SAMD4A: variants seen among roughly 807,000 people sequenced by gnomAD.
SAMD4A encodes sterile alpha motif domain containing 4A.
SAMD4A carries 33 observed loss-of-function variants against 81.3 expected under a neutral mutation model. That is an observed-to-expected ratio of 0.41 (90% CI 0.31 to 0.54). The LOEUF (loss-of-function observed/expected upper bound fraction) is 0.54. Ranked by LOEUF, SAMD4A falls within the 20% of genes least tolerant of loss-of-function variation. SAMD4A has a pLI of 0.37. For synonymous variants in SAMD4A, 389 were observed against 382.1 expected (o/e 1.02, Z -0.21); for missense variants, 854 against 951.1 (o/e 0.90, Z 1.34).
intron 2 of SAMD4A, among the ~76,000 whole-genome samples, chr14:54,574,150 A>G (rs905607145): frequency 6.6e-6 from 1 of 152,250 alleles, no homozygotes; most frequent in Non-Finnish European, 1.5e-5. Context: ...GGCCCTGTCA[A>G]AAGCTGAAAT....
intron 11 of SAMD4A, among the ~76,000 whole-genome samples, chr14:54,780,896 C>T (rs1372318675): frequency 6.6e-6 from 1 of 152,100 alleles, no homozygotes; most frequent in Non-Finnish European, 1.5e-5. Flanking sequence ...CTGCCATCCT[C>T]AGCTTGCCTG....
chr14:54,719,808 AG>A (rs1157153045), intron 3 of SAMD4A, among the ~76,000 whole-genome samples: 1 of 152,154 alleles, frequency 6.6e-6, no homozygotes, highest in Non-Finnish European at 1.5e-5. Flanking sequence ...CGGTTGTGAA[AG>A]TCCTCTCTGG....
chr14:54,696,491 C>T (rs1414756982), intron 2 of SAMD4A, among the ~76,000 whole-genome samples: 1 of 152,232 alleles, frequency 6.6e-6, no homozygotes, highest in Non-Finnish European at 1.5e-5. Flanking sequence ...CCATTTCTTG[C>T]ATGAGCAAAT....
At chr14:54,683,614 C>T (rs1423637347) in intron 2 of SAMD4A, among the ~76,000 whole-genome samples, 1 of 152,170 alleles carries the variant, frequency 6.6e-6, no homozygotes, top group African/African-American at 2.4e-5. Flanking sequence ...ATGTAGATTC[C>T]TTCCTGAGGA....
chr14:54,616,266 AG>A (rs2034488722), intron 2 of SAMD4A, among the ~76,000 whole-genome samples: 2 of 152,192 alleles, frequency 1.3e-5, no homozygotes, highest in African/African-American at 4.8e-5. Flanking sequence ...CTTATATTCT[AG>A]GGGGAAATAC....
intron 6 of SAMD4A, chr14:54,754,985 C>G (rs913920170): frequency 9.4e-6 from 3 of 318,952 alleles, no homozygotes; most frequent in African/African-American, 6.7e-5. Context: ...ACAACCCAGT[C>G]TGATCGATGT....
At chr14:54,687,885 T>A in intron 2 of SAMD4A, 4 of 874,536 alleles carry the variant, frequency 4.6e-6, no homozygotes, top group Non-Finnish European at 5.5e-6. Context: ...GGGCCACGTG[T>A]CCCTGAATGG....
chr14:54,702,616 TTGGCGATTTGCTGTGTATGTGGCATGTCC>T, intron 3 of SAMD4A, 36 bp downstream of exon 3: 1 of 1,603,322 alleles, frequency 6.2e-7, no homozygotes, highest in Non-Finnish European at 8.5e-7. Flanking sequence ...GTAGTCTGGT[TTGGCGATTTGCTGTGTATGTGGCATGTCC>T]TGCTGACAGT....
intron 2 of SAMD4A, among the ~76,000 whole-genome samples, chr14:54,636,775 T>C (rs2035044332): frequency 6.6e-6 from 1 of 152,040 alleles, no homozygotes; most frequent in African/African-American, 2.4e-5. Flanking sequence ...ACTGAAAAGA[T>C]GGAGATGCCA....
chr14:54,654,075 C>T (rs866258988), intron 2 of SAMD4A, among the ~76,000 whole-genome samples: 31 of 152,342 alleles, frequency 2.0e-4, no homozygotes, highest in African/African-American at 7.2e-4. Context: ...GCTGGGTTCT[C>T]AGGGATTTTC....
rs1439652471 is a variant in SAMD4A at position 54,748,990 on chromosome 14, G to A, written c.1089+66G>A. 8.5e-6 allele frequency: 10 copies of A among 1,176,718 alleles called. No individual in the cohort carries two copies. In the Admixed American group the frequency reaches 1.4e-4, roughly 16 times the overall value. 72.9% of individuals were successfully genotyped at this position (1,176,718 alleles called of 1,614,324 possible). A position where few individuals can be genotyped will look rare whatever the true frequency, so the allele number is the denominator to read the frequency against. On this transcript the variant is annotated intron_variant, in intron 5 of 12. Transcript: ENST00000554335. ...GGCAGGACCTGAAGTTCAAGGCCTG[G>A]ACAACCTTGTTTGGACCCATACCTA...
chr14:54,761,963 C>G (rs567370942), intron 7 of SAMD4A, among the ~76,000 whole-genome samples: 1 of 152,284 alleles, frequency 6.6e-6, no homozygotes, highest in African/African-American at 2.4e-5. Flanking sequence ...CTACTCAATA[C>G]CCTGCTTTTG....
chr14:54,766,464 G>A (rs2139891069), intron 8 of SAMD4A, among the ~76,000 whole-genome samples: 1 of 152,310 alleles, frequency 6.6e-6, no homozygotes, highest in African/African-American at 2.4e-5. Flanking sequence ...CTGGAGCACA[G>A]AGGAGCAGCA....
intron 5 of SAMD4A, among the ~76,000 whole-genome samples, chr14:54,749,544 A>G (rs2038049320): frequency 6.6e-6 from 1 of 152,192 alleles, no homozygotes; most frequent in African/African-American, 2.4e-5. Flanking sequence ...TGAGAATGAG[A>G]TTTCCATAGG....
chr14:54,654,160 T>C (rs1186332895), intron 2 of SAMD4A, among the ~76,000 whole-genome samples: 2 of 152,154 alleles, frequency 1.3e-5, no homozygotes, highest in African/African-American at 4.8e-5. Context: ...GACTATGACA[T>C]ATAATACCCA....
At chr14:54,652,698 C>G (rs1285741031) in intron 2 of SAMD4A, 1 of 151,212 alleles carries the variant, frequency 6.6e-6, no homozygotes. Context: ...CCTTTCGTAT[C>G]TGCGTACAGA....
In SAMD4A at chr14:54,760,233, G is replaced by T; in HGVS notation, c.1249G>T (p.Ala417Ser). 6.2e-7 allele frequency: 1 copy of T among 1,613,316 alleles called. No individual in the cohort carries two copies. Among genetic ancestry groups the T allele is most frequent in the Non-Finnish European group, 8.5e-7 (1 of 1,179,918 alleles). ...CCAGATGATCCTGACTCCGATCAAGGCCTACAGCTCCCCGAGCACCACCCC... is the reference window on the plus strand; with the variant it reads ...CCAGATGATCCTGACTCCGATCAAGTCCTACAGCTCCCCGAGCACCACCCC... ...LHQMILTPIKAYSSPSTTPEA... is the reference protein window; with the variant it reads ...LHQMILTPIKSYSSPSTTPEA... The change falls in exon 7 of 13, where the codon GCC (alanine) becomes TCC (serine). Residue 417 changes from alanine (A) to serine (S), a missense_variant. By Grantham distance (99) the Ala-to-Ser change is moderately conservative (BLOSUM62 1). Transcript: ENST00000554335.
rs1220431678 is a variant in SAMD4A at position 54,723,222 on chromosome 14, G to A, written c.716-13802G>A. On this transcript the variant is annotated intron_variant, in intron 3 of 12. Coordinates refer to ENST00000554335, the MANE Select transcript of SAMD4A (RefSeq NM_015589.6). ...TAGATGCTTGCCTACCCTGCCCTCA[G>A]AACACCCACAGAACAGCAGAACCGT... Among the ~76,000 whole-genome samples, 6 of 151,542 alleles carry A rather than the reference G, an allele frequency of 4.0e-5. 1 individual carries two copies. Among genetic ancestry groups the A allele is most frequent in the Admixed American group, 2.6e-4 (4 of 15,232 alleles).
At position 54,567,659 on chromosome 14, in the gene SAMD4A, T is replaced by A. The variant is rs1380101934; in HGVS notation, c.-258T>A. 7.2e-6 allele frequency: 3 copies of A among 414,948 alleles called. No individual in the cohort carries two copies. Among genetic ancestry groups the A allele is most frequent in the Admixed American group, 4.8e-5 (1 of 20,744 alleles). 25.7% of individuals were successfully genotyped at this position (414,948 alleles called of 1,614,324 possible). On this transcript the variant is annotated 5_prime_UTR_variant, in exon 2 of 13. Coordinates refer to ENST00000554335, the MANE Select transcript of SAMD4A (RefSeq NM_015589.6). ...TTGTGGGGGATTTTTAAAAAGTCGT[T>A]TTTTTTTTTAAAGAAACATTTCCGT... is the stretch of plus-strand genomic sequence containing the variant.
Sources: allele counts gnomAD v4.1 joint callset (sites outside exome capture counted in the v4.1 genomes callset), GRCh38; gene constraint gnomAD v4.1.1; transcripts MANE v1.5; gene names NCBI Gene and HGNC (gene_info 2026-07-23, HGNC 2026-07-21).